SUSD1: variants seen among roughly 807,000 people sequenced by gnomAD.
SUSD1 encodes the protein sushi domain containing 1.
Under a neutral mutation model 86.9 loss-of-function variants are expected in SUSD1, and 65 were observed. That is an observed-to-expected ratio of 0.75 (90% CI 0.61 to 0.92). The LOEUF (loss-of-function observed/expected upper bound fraction) is 0.92, where lower values mean the gene tolerates loss of function less well. Ranked by LOEUF, SUSD1 falls within the 40% of genes least tolerant of loss-of-function variation. The pLI, the probability that SUSD1 is intolerant of heterozygous loss-of-function variation, is 0.00. For missense variants in SUSD1, 850 were observed against 929.7 expected (o/e 0.91, Z 1.11); for synonymous variants, 346 against 350.0 (o/e 0.99, Z 0.13).
chr9:112,150,667 A>G (rs1833007223), intron 2 of SUSD1, among the ~76,000 whole-genome samples: 1 of 152,234 alleles, frequency 6.6e-6, no homozygotes. Context: ...TATATGGTAG[A>G]GTGTAGTGCT....
chr9:112,064,022 T>C (rs1311136353), intron 12 of SUSD1, among the ~76,000 whole-genome samples: 1 of 147,692 alleles, frequency 6.8e-6, no homozygotes, highest in Non-Finnish European at 1.5e-5. Context: ...CCCATCCTTA[T>C]TTTTTTATTT....
intron 15 of SUSD1, chr9:112,042,207 G>A (rs750933951): frequency 2.5e-4 from 370 of 1,506,144 alleles, no homozygotes; most frequent in Non-Finnish European, 3.2e-4. Flanking sequence ...AAAGTTACAA[G>A]GGAGAAAACA....
chr9:112,078,506 T>G, intron 12 of SUSD1, 32 bp downstream of exon 12: 1 of 1,585,866 alleles, frequency 6.3e-7, no homozygotes, highest in Non-Finnish European at 8.6e-7. Context: ...GTGGTAACTT[T>G]GTTAATCCAA....
intron 12 of SUSD1, among the ~76,000 whole-genome samples, chr9:112,072,058 C>T (rs183592969): frequency 6.6e-6 from 1 of 151,722 alleles, no homozygotes; most frequent in Admixed American, 6.6e-5. Flanking sequence ...CATAACCAAT[C>T]GAAAAATATT....
chr9:112,070,162 C>T (rs994634278), intron 12 of SUSD1, among the ~76,000 whole-genome samples: 2 of 152,068 alleles, frequency 1.3e-5, no homozygotes, highest in South Asian at 2.1e-4. Flanking sequence ...TGCACCACCA[C>T]ACACGGCTGA....
chr9:112,059,287 C>T (rs1480323847), intron 13 of SUSD1, among the ~76,000 whole-genome samples: 1 of 152,210 alleles, frequency 6.6e-6, no homozygotes, highest in African/African-American at 2.4e-5. Context: ...CATCCTCTTT[C>T]GCTGGGAGAA....
At chr9:112,111,596 TC>T (rs1831098727) in intron 8 of SUSD1, 57 bp downstream of exon 8, 1 of 1,569,596 alleles carries the variant, frequency 6.4e-7, no homozygotes, top group South Asian at 1.2e-5. Context: ...GCAGCATACT[TC>T]CCCACATTCT....
Position 112,175,061 on chromosome 9 carries a change from G to T in SUSD1, c.103+72C>A. On this transcript the variant is annotated intron_variant, in intron 1 of 16. Transcript: ENST00000374270. This position sits in a 1 kb window ranked among gnomAD's most constrained non-coding sequence, Gnocchi z 4.7. ...CCGGCCCAGGGGCGGGGAAGCGTCC[G>T]TGCGCCCAGAGTCCTCGAGGCCCAG... 3.0e-6 allele frequency: 3 copies of T among 983,896 alleles called. No individual in the cohort carries two copies. The highest frequency in any genetic ancestry group is 3.6e-6 in the Non-Finnish European group (3 of 826,822). The allele number at this position is 983,896 out of a possible 1,614,324, so 60.9% of individuals were successfully genotyped here. A position where few individuals can be genotyped will look rare whatever the true frequency, so the allele number is the denominator to read the frequency against.
intron 1 of SUSD1, among the ~76,000 whole-genome samples, chr9:112,158,511 C>A (rs1373552031): frequency 6.6e-6 from 1 of 152,112 alleles, no homozygotes; most frequent in Non-Finnish European, 1.5e-5. Flanking sequence ...CCCACCTCAA[C>A]CTCCTAAGTA....
At chr9:112,062,173 G>C (rs1286329803) in intron 13 of SUSD1, among the ~76,000 whole-genome samples, 5 of 151,990 alleles carry the variant, frequency 3.3e-5, no homozygotes, top group African/African-American at 1.2e-4. Context: ...AGAAACCACT[G>C]CACACCCCCC....
chr9:112,062,843 A>C (rs772760211), intron 13 of SUSD1, 94 bp downstream of exon 13: 1 of 799,590 alleles, frequency 1.3e-6, no homozygotes, highest in African/African-American at 1.7e-5. Context: ...AAGTGCAGCC[A>C]CCAACACAGA....
intron 13 of SUSD1, among the ~76,000 whole-genome samples, chr9:112,060,286 G>A (rs1828659944): frequency 6.6e-6 from 1 of 152,104 alleles, no homozygotes; most frequent in Admixed American, 6.6e-5. Context: ...TTTAAGAAGG[G>A]AGTCTTGCTC....
At chr9:112,099,329 T>C (rs536375980) in intron 9 of SUSD1, among the ~76,000 whole-genome samples, 3 of 152,246 alleles carry the variant, frequency 2.0e-5, no homozygotes, top group Non-Finnish European at 2.9e-5. Context: ...GTGTGAGCCA[T>C]TGCACCCAAC....
intron 15 of SUSD1, among the ~76,000 whole-genome samples, chr9:112,051,639 C>T (rs1297321192): frequency 6.6e-6 from 1 of 151,926 alleles, no homozygotes; most frequent in Non-Finnish European, 1.5e-5. Flanking sequence ...CCATGTTGGT[C>T]AGGCTGGTCT....
chr9:112,117,782 G>T (rs1315908170), intron 6 of SUSD1, among the ~76,000 whole-genome samples: 2 of 152,140 alleles, frequency 1.3e-5, no homozygotes, highest in Non-Finnish European at 2.9e-5. Context: ...GTATTATTTG[G>T]TTGAACTGGT....
chr9:112,147,156 T>C (rs1443238847), intron 3 of SUSD1, among the ~76,000 whole-genome samples: 2 of 152,192 alleles, frequency 1.3e-5, no homozygotes, highest in Non-Finnish European at 2.9e-5. Flanking sequence ...TAACACTTTA[T>C]ACTGAAATTA....
intron 5 of SUSD1, among the ~76,000 whole-genome samples, chr9:112,140,170 G>A (rs1832498195): frequency 7.8e-6 from 1 of 128,802 alleles, no homozygotes; most frequent in Non-Finnish European, 1.6e-5. Flanking sequence ...AGACCATCCT[G>A]GCTAACAAGG....
chr9:112,133,524 A>G (rs991464622), intron 5 of SUSD1, among the ~76,000 whole-genome samples: 3 of 152,256 alleles, frequency 2.0e-5, no homozygotes, highest in Non-Finnish European at 4.4e-5. Flanking sequence ...ATGCAGAAGA[A>G]TGAAACTGGA....
intron 2 of SUSD1, among the ~76,000 whole-genome samples, chr9:112,151,689 G>A (rs1833052481): frequency 6.6e-6 from 1 of 151,634 alleles, no homozygotes; most frequent in African/African-American, 2.4e-5. Flanking sequence ...ATCACCTGAG[G>A]TCAGGAGTTC....
Sources: gnomAD v4.1 joint callset for allele counts (sites outside exome capture counted in the v4.1 genomes callset) on GRCh38, gnomAD v4.1.1 for gene constraint, Gnocchi (gnomAD v3.1) non-coding constraint, MANE v1.5 for transcripts, NCBI Gene and HGNC (gene_info 2026-07-23, HGNC 2026-07-21) for gene names.